The following COPS4 variants were observed in gnomAD, a reference collection of about 807,000 sequenced individuals.
COPS4 encodes the protein COP9 signalosome complex subunit 4.
Under a neutral mutation model 55.1 loss-of-function variants are expected in COPS4, and 8 were observed. The ratio of observed to expected loss-of-function variants is 0.15; its 90% confidence interval spans 0.09 to 0.26. The LOEUF is 0.26. COPS4 is among the 10% of genes least tolerant of loss of function. COPS4 has a pLI of 1.00. For missense variants in COPS4, 248 were observed against 484.0 expected (o/e 0.51, Z 4.58); for synonymous variants, 185 against 165.7 (o/e 1.12, Z -0.90).
intron 4 of COPS4, among the ~76,000 whole-genome samples, chr4:83,055,591 G>A (rs1382529483): frequency 6.6e-6 from 1 of 151,916 alleles, no homozygotes; most frequent in African/African-American, 2.4e-5. Context: ...CTGCAGGCAT[G>A]TGCCTCTATG....
chr4:83,041,288 C>G (rs919677012), intron 1 of COPS4, among the ~76,000 whole-genome samples: 3 of 151,938 alleles, frequency 2.0e-5, no homozygotes, highest in African/African-American at 7.3e-5. Flanking sequence ...GTCTTGAACT[C>G]CTGACCTCAG....
chr4:83,035,232 C>A lies in COPS4; in HGVS notation c.8C>A (p.Ala3Glu). The A allele has an allele frequency of 6.4e-7, 1 of 1,569,118 alleles. No individual in the cohort carries two copies. The highest frequency in any genetic ancestry group is 8.7e-7 in the Non-Finnish European group (1 of 1,151,312). MA[A>E]AVRQDLAQLM... ...CGCTGAGCTGGGAGAAAGATGGCGG[C>A]AGCCGTGCGACAGGATTTGGCCCAG... The change falls in exon 1 of 10, where the codon GCA (alanine) becomes GAA (glutamate). Residue 3 changes from alanine to glutamate, a missense_variant. Around this residue, in one of 4 missense-constraint regions of COPS4, gnomAD observed 55 missense variants for 62.8 expected, o/e 0.88. Transcript: ENST00000264389.
chr4:83,045,494 C>G, intron 1 of COPS4, 132 bp from the exon 2 acceptor site: 1 of 580,364 alleles, frequency 1.7e-6, no homozygotes, highest in South Asian at 3.0e-5. Context: ...CTGTGGTATA[C>G]TATAAAGAAA....
At chr4:83,050,165 A>G (rs72931132) in intron 4 of COPS4, among the ~76,000 whole-genome samples, 181 bp downstream of exon 4, 12,364 of 152,156 alleles carry the variant, frequency 0.081, 1,717 homozygotes, top group African/African-American at 0.28. Context: ...GACAGGTTGT[A>G]TGTATATTTA....
At chr4:83,072,546 A>G (rs923966315) in intron 9 of COPS4, among the ~76,000 whole-genome samples, 3 of 152,384 alleles carry the variant, frequency 2.0e-5, no homozygotes, top group Admixed American at 6.5e-5. Context: ...CTACCTTGGA[A>G]TAAAACTAGT....
At chr4:83,045,950 A>G (rs1319944087) in intron 2 of COPS4, among the ~76,000 whole-genome samples, 2 of 152,178 alleles carry the variant, frequency 1.3e-5, no homozygotes, top group Non-Finnish European at 2.9e-5. Context: ...GCATAATAGT[A>G]AAGAGAATAG....
rs780048955 is a variant in COPS4, at chr4:83,075,325, G to A, written c.1116G>A (p.Lys372=). 5 of 1,614,040 alleles carry A rather than the reference G, an allele frequency of 3.1e-6. No individual in the cohort carries two copies. The Admixed American group carries it at 6.7e-5, about 22-fold the overall frequency. ...ETREALPTWD[K]QIQSLCFQVN... is the part of the protein sequence containing the mutation. The stretch of plus-strand genomic sequence containing the variant: ...GAGAAGCCCTGCCAACGTGGGATAA[G>A]CAGATCCAATCACTTTGTTTCCAAG... The change falls in exon 10 of 10, where the codon AAG becomes AAA. Residue 372 remains lysine, a synonymous_variant. Transcript: ENST00000264389.
intron 6 of COPS4, among the ~76,000 whole-genome samples, chr4:83,061,545 T>C (rs1731164253): frequency 6.6e-6 from 1 of 152,242 alleles, no homozygotes; most frequent in Non-Finnish European, 1.5e-5. Flanking sequence ...TGTATGAATA[T>C]ACCACAATTC....
At chr4:83,062,647 A>G (rs1386628376) in intron 6 of COPS4, among the ~76,000 whole-genome samples, 1 of 152,212 alleles carries the variant, frequency 6.6e-6, no homozygotes, top group Non-Finnish European at 1.5e-5. Flanking sequence ...GCACCCAGCC[A>G]TAGTGCTGAA....
intron 1 of COPS4, among the ~76,000 whole-genome samples, chr4:83,038,880 T>A (rs576664057): frequency 5.6e-4 from 85 of 152,172 alleles, no homozygotes; most frequent in Admixed American, 9.2e-4. Flanking sequence ...TTTGACCTTG[T>A]GATCCACCTG....
chr4:83,073,320 A>G (rs561268334), intron 9 of COPS4: 12 of 693,214 alleles, frequency 1.7e-5, no homozygotes, highest in Middle Eastern at 2.3e-4. Context: ...TCCACTCAGC[A>G]TAGTATCTTT....
chr4:83,072,139 C>T (rs148789839), intron 9 of COPS4, among the ~76,000 whole-genome samples: 3 of 152,114 alleles, frequency 2.0e-5, no homozygotes, highest in Non-Finnish European at 2.9e-5. Flanking sequence ...GGCTGGAGTG[C>T]GATGGCTCAA....
At chr4:83,035,426 C>G in intron 1 of COPS4, 128 bp downstream of exon 1, 1 of 692,214 alleles carries the variant, frequency 1.4e-6, no homozygotes, top group Non-Finnish European at 2.3e-6. Flanking sequence ...GGGGGCGGGC[C>G]TGAGGTCGGC....
rs1730795726 is a variant in COPS4 at position 83,049,173 on chromosome 4, T to C, written c.162T>C (p.Asn54=). 1 of 1,593,014 alleles carries C rather than the reference T, an allele frequency of 6.3e-7. No individual in the cohort carries two copies. The highest frequency in any genetic ancestry group is 2.2e-5 in the East Asian group (1 of 44,680). The stretch of plus-strand genomic sequence containing the variant: ...TTTTTTTTTTTAAACAAGTGGTAAA[T>C]GAGAATGTCAGTCTCGTGATCTCGC... The part of the protein sequence containing the change: ...ALKAFVEAMV[N]ENVSLVISRQ... The change falls in exon 3 of 10, where the codon AAT becomes AAC. Residue 54 remains asparagine (N), a synonymous_variant. Coordinates refer to ENST00000264389, the MANE Select transcript of COPS4 (RefSeq NM_016129.3).
intron 9 of COPS4, among the ~76,000 whole-genome samples, chr4:83,074,251 CTT>C (rs1000162087): frequency 2.6e-4 from 40 of 152,058 alleles, no homozygotes; most frequent in African/African-American, 9.2e-4. Flanking sequence ...CAGCCTCAGT[CTT>C]TTTTTGTTGT....
chr4:83,064,471 C>T (rs1307338215), intron 7 of COPS4, among the ~76,000 whole-genome samples: 6 of 152,204 alleles, frequency 3.9e-5, no homozygotes, highest in Non-Finnish European at 8.8e-5. Flanking sequence ...TTACATTTTC[C>T]CAAACTGAAA....
chr4:83,046,121 C>T (rs1233452361), intron 2 of COPS4, among the ~76,000 whole-genome samples: 1 of 151,664 alleles, frequency 6.6e-6, no homozygotes, highest in Non-Finnish European at 1.5e-5. Flanking sequence ...CAGGGTAGTA[C>T]AGTACTGTAC....
intron 9 of COPS4, among the ~76,000 whole-genome samples, chr4:83,073,527 A>G (rs1322186363): frequency 6.6e-6 from 1 of 152,144 alleles, no homozygotes; most frequent in Non-Finnish European, 1.5e-5. Flanking sequence ...AGAAAAAAAA[A>G]GGGGGATTGT....
intron 9 of COPS4, among the ~76,000 whole-genome samples, chr4:83,069,394 C>G (rs1485094728): frequency 6.6e-6 from 1 of 152,202 alleles, no homozygotes; most frequent in Non-Finnish European, 1.5e-5. Context: ...ATTGGAGTTT[C>G]TGGTCCATTG....
Sources: allele counts gnomAD v4.1 joint callset (sites outside exome capture counted in the v4.1 genomes callset), GRCh38; gene constraint gnomAD v4.1.1; regional missense constraint gnomAD v4.1.1; transcripts MANE v1.5; gene names NCBI Gene and HGNC (gene_info 2026-07-23, HGNC 2026-07-21).